FAM171A1: variants seen among roughly 807,000 people sequenced by gnomAD.
The protein encoded by FAM171A1 is protein FAM171A1.
Under a neutral mutation model 74.9 loss-of-function variants are expected in FAM171A1, and 23 were observed. The observed-to-expected ratio is 0.31, with a 90% CI of 0.22 to 0.44. The LOEUF (loss-of-function observed/expected upper bound fraction) is 0.44. FAM171A1 is among the 20% of genes least tolerant of loss of function. The pLI, the probability that FAM171A1 is intolerant of heterozygous loss-of-function variation, is 1.00. For missense variants in FAM171A1, 1,162 were observed against 1,159.2 expected (o/e 1.00, Z -0.03); for synonymous variants, 527 against 505.7 (o/e 1.04, Z -0.57).
At chr10:15,256,355 TC>T (rs1286863357) in intron 3 of FAM171A1, among the ~76,000 whole-genome samples, 2 of 152,190 alleles carry the variant, frequency 1.3e-5, no homozygotes, top group African/African-American at 4.8e-5. Context: ...AGGACTTATG[TC>T]GGGGGCAGCC....
Position 15,283,975 on chromosome 10 carries a change from G to C in FAM171A1, c.228C>G (p.Ile76Met), listed in dbSNP as rs1184196095. The stretch of plus-strand genomic sequence containing the variant: ...GACTGCCCAGCTTATACTGGAACTT[G>C]ATAAAGGCGACGCCATCAGTCCCCG... ...GTSGTDGVAF[I>M]KFQYKLGSQL... Residue 76 changes from isoleucine (I) to methionine (M), a missense_variant, in exon 2 of 8, where the codon ATC becomes ATG. Transcript: ENST00000378116. The C allele has an allele frequency of 1.9e-6, 3 of 1,614,050 alleles. No individual in the cohort carries two copies. Among genetic ancestry groups the C allele is most frequent in the African/African-American group, 1.3e-5 (1 of 74,924 alleles).
chr10:15,281,952 G>T (rs554533111), intron 2 of FAM171A1, among the ~76,000 whole-genome samples: 68 of 152,320 alleles, frequency 4.5e-4, no homozygotes, highest in African/African-American at 1.6e-3. Context: ...TCAAAGTGTA[G>T]TAGCTGCTCA....
intron 1 of FAM171A1, among the ~76,000 whole-genome samples, chr10:15,318,572 G>A (rs1321870941): frequency 1.3e-5 from 2 of 152,170 alleles, no homozygotes; most frequent in Non-Finnish European, 2.9e-5. Context: ...CCTACCAAAT[G>A]CCGGAGCTGG....
At chr10:15,272,828 T>TG (rs1291372543) in intron 3 of FAM171A1, among the ~76,000 whole-genome samples, 1 of 151,972 alleles carries the variant, frequency 6.6e-6, no homozygotes, top group Non-Finnish European at 1.5e-5. Flanking sequence ...GAAATAAAGA[T>TG]TTCTTTGAAA....
intron 1 of FAM171A1, among the ~76,000 whole-genome samples, chr10:15,306,414 T>C (rs1191069146): frequency 6.6e-6 from 1 of 151,996 alleles, no homozygotes; most frequent in Non-Finnish European, 1.5e-5. Context: ...ACCCAGGCTG[T>C]AGTGCAGTGG....
chr10:15,294,374 C>G (rs7072925), intron 1 of FAM171A1, among the ~76,000 whole-genome samples: 150,149 of 152,292 alleles, frequency 0.99, 74,045 homozygotes, highest in East Asian at 1. Context: ...TGCCCAAGGT[C>G]GTGGACCCCG....
At chr10:15,307,295 G>T (rs1284111722) in intron 1 of FAM171A1, among the ~76,000 whole-genome samples, 1 of 152,104 alleles carries the variant, frequency 6.6e-6, no homozygotes, top group Non-Finnish European at 1.5e-5. Context: ...ATTCTAACAG[G>T]CTGAGCTAAC....
Position 15,290,954 on chromosome 10 carries a change from G to T in FAM171A1, c.98-6849C>A, listed in dbSNP as rs545396746. On this transcript the variant is annotated intron_variant, in intron 1 of 7. Coordinates refer to ENST00000378116, the MANE Select transcript of FAM171A1 (RefSeq NM_001010924.2). The stretch of plus-strand genomic sequence containing the variant: ...CAGGCTTGACCTCCCAGGCTCAAGC[G>T]ATCCTCTCACCTCAGCATCCCAAGT... Among the ~76,000 whole-genome samples the T allele has an allele frequency of 6.0e-4, 92 of 152,252 alleles. No homozygotes were observed. In the Middle Eastern group the frequency reaches 0.01, roughly 17 times the overall value.
At chr10:15,288,122 C>G (rs943170931) in intron 1 of FAM171A1, among the ~76,000 whole-genome samples, 5 of 152,192 alleles carry the variant, frequency 3.3e-5, no homozygotes, top group African/African-American at 1.2e-4. Flanking sequence ...GATAAGTATT[C>G]CATAGTATAT....
At position 15,304,211 on chromosome 10, in the gene FAM171A1, C is replaced by T. The variant is rs546441377; in HGVS notation, c.98-20106G>A. Among the ~76,000 whole-genome samples the T allele has an allele frequency of 4.6e-5, 7 of 152,268 alleles. No individual in the cohort carries two copies. In the East Asian group the frequency reaches 7.7e-4, roughly 17 times the overall value. ...TAGCTACTCATAACTGAGAAGGGAC[C>T]GTCATGGTGAGTAGGTATATTAATT... On this transcript the variant is annotated intron_variant, in intron 1 of 7. Coordinates refer to ENST00000378116, the MANE Select transcript of FAM171A1 (RefSeq NM_001010924.2).
At chr10:15,293,771 G>A (rs751780231) in intron 1 of FAM171A1, among the ~76,000 whole-genome samples, 41 of 152,166 alleles carry the variant, frequency 2.7e-4, no homozygotes, top group Non-Finnish European at 5.1e-4. Flanking sequence ...TGTGGTTTAC[G>A]GAGGTCAGGG....
intron 1 of FAM171A1, among the ~76,000 whole-genome samples, chr10:15,288,810 A>ATTTTT (rs1554836621): frequency 6.6e-5 from 5 of 76,010 alleles, no homozygotes; most frequent in African/African-American, 1.7e-4. Context: ...TGATTCGGTA[A>ATTTTT]TTCTTTTTTT....
chr10:15,357,189 AG>A (rs1366266752), intron 1 of FAM171A1, among the ~76,000 whole-genome samples: 1 of 152,194 alleles, frequency 6.6e-6, no homozygotes, highest in Non-Finnish European at 1.5e-5. Flanking sequence ...AGGCTGAGGC[AG>A]GAGAATGGCG....
intron 1 of FAM171A1, among the ~76,000 whole-genome samples, chr10:15,295,304 G>A (rs1174741310): frequency 2.6e-5 from 4 of 152,194 alleles, no homozygotes; most frequent in Non-Finnish European, 4.4e-5. Flanking sequence ...TTCTATAAAC[G>A]ATAGGATGCA....
chr10:15,245,653 G>A (rs577745204), intron 5 of FAM171A1, among the ~76,000 whole-genome samples: 1 of 152,338 alleles, frequency 6.6e-6, no homozygotes, highest in South Asian at 2.1e-4. Context: ...ACAGCCAGTG[G>A]GTGGCAGAGC....
At chr10:15,248,867 G>T in intron 4 of FAM171A1, 52 bp from the exon 5 acceptor site, 1 of 1,532,404 alleles carries the variant, frequency 6.5e-7, no homozygotes, top group East Asian at 2.4e-5. Context: ...CCCATGTGGG[G>T]CTGTGGAAAC....
intron 1 of FAM171A1, among the ~76,000 whole-genome samples, chr10:15,347,210 C>T (rs12783193): frequency 0.42 from 63,743 of 152,010 alleles, 13,611 homozygotes; most frequent in Non-Finnish European, 0.49. Context: ...AAAGATCACA[C>T]GAACAGAACT....
At position 15,285,457 on chromosome 10, in the gene FAM171A1, G is replaced by A. The variant is rs112536700; in HGVS notation, c.98-1352C>T. ...TGGGTGAAGAATGGGCTGAGGAAGA[G>A]GCAAGGCTGGAGAATAAGCATTCAA... is the stretch of plus-strand genomic sequence containing the variant. On this transcript the variant is annotated intron_variant, in intron 1 of 7. Coordinates refer to ENST00000378116, the MANE Select transcript of FAM171A1 (RefSeq NM_001010924.2). Among the ~76,000 whole-genome samples the A allele has an allele frequency of 2.8e-4, 42 of 152,272 alleles. 1 individual carries two copies. The highest frequency in any genetic ancestry group is 1.0e-3 in the African/African-American group (42 of 41,564).
At chr10:15,231,672 T>G (rs1834208170) in intron 5 of FAM171A1, among the ~76,000 whole-genome samples, 1 of 152,106 alleles carries the variant, frequency 6.6e-6, no homozygotes, top group African/African-American at 2.4e-5. Flanking sequence ...TCCTACCATG[T>G]GGCTGTAGCG....
Sources: allele counts gnomAD v4.1 joint callset (sites outside exome capture counted in the v4.1 genomes callset), GRCh38; gene constraint gnomAD v4.1.1; transcripts MANE v1.5; gene names NCBI Gene and HGNC (gene_info 2026-07-23, HGNC 2026-07-21).